The following CWC15 variants were observed in gnomAD, a reference collection of about 807,000 sequenced individuals.
The protein encoded by CWC15 is spliceosome-associated protein CWC15 homolog.
A neutral mutation model predicts 28.4 loss-of-function variants in CWC15; 12 were observed. The ratio of observed to expected loss-of-function variants is 0.42; its 90% confidence interval spans 0.27 to 0.69. CWC15 has a LOEUF of 0.69. CWC15 is among the 30% of genes least tolerant of loss of function. The pLI, the probability that CWC15 is intolerant of heterozygous loss-of-function variation, is 0.23. For missense variants in CWC15, 192 were observed against 271.5 expected (o/e 0.71, Z 2.06); for synonymous variants, 92 against 88.4 (o/e 1.04, Z -0.23).
At chr11:94,969,709 C>T (rs372242966) in intron 5 of CWC15, among the ~76,000 whole-genome samples, 1 of 152,240 alleles carries the variant, frequency 6.6e-6, no homozygotes, top group East Asian at 1.9e-4. Context: ...TGTCAATTAA[C>T]AGATATCGAC....
intron 6 of CWC15, 86 bp downstream of exon 6, chr11:94,966,209 G>T: frequency 1.2e-6 from 1 of 807,604 alleles, no homozygotes; most frequent in Non-Finnish European, 1.9e-6. Context: ...ATGCCTGTGT[G>T]TATACACATA....
At chr11:94,964,022 T>C (rs1415079110) in intron 6 of CWC15, among the ~76,000 whole-genome samples, 1 of 151,964 alleles carries the variant, frequency 6.6e-6, no homozygotes, top group Non-Finnish European at 1.5e-5. Flanking sequence ...TGGGGTATAA[T>C]AATTAAGGCT....
intron 2 of CWC15, 38 bp from the exon 3 acceptor site, chr11:94,971,525 A>AACACACACACAC (rs3831469): frequency 1.3e-6 from 1 of 781,028 alleles, no homozygotes; most frequent in Non-Finnish European, 2.1e-6. Flanking sequence ...ATGTTACTTA[A>AACACACACACAC]ACACACACAC....
chr11:94,965,556 T>A (rs1356757819), intron 6 of CWC15, among the ~76,000 whole-genome samples: 1 of 147,064 alleles, frequency 6.8e-6, no homozygotes, highest in Admixed American at 6.6e-5. Flanking sequence ...ATCTAAGAAA[T>A]CTTCTGTCAC....
intron 5 of CWC15, among the ~76,000 whole-genome samples, 164 bp downstream of exon 5, chr11:94,969,825 C>T (rs1857694285): frequency 6.6e-6 from 1 of 152,052 alleles, no homozygotes; most frequent in Non-Finnish European, 1.5e-5. Context: ...ACCAGGATAC[C>T]TAGGATGTCA....
At chr11:94,972,353 G>T (rs587655124) in intron 1 of CWC15, among the ~76,000 whole-genome samples, 160 bp from the exon 2 acceptor site, 1 of 152,234 alleles carries the variant, frequency 6.6e-6, no homozygotes. Context: ...AAATTATGAG[G>T]CTTAGGCTGT....
chr11:94,969,811 C>T (rs1461925703), intron 5 of CWC15, among the ~76,000 whole-genome samples, 178 bp downstream of exon 5: 4 of 152,166 alleles, frequency 2.6e-5, no homozygotes, highest in African/African-American at 9.7e-5. Context: ...GAATTTCTTA[C>T]ATAACCAGGA....
intron 2 of CWC15, among the ~76,000 whole-genome samples, chr11:94,971,758 T>C (rs1435332947): frequency 6.6e-6 from 1 of 152,258 alleles, no homozygotes; most frequent in Non-Finnish European, 1.5e-5. Context: ...ATTAGGATTA[T>C]ATCAACTCAG....
chr11:94,966,018 G>A (rs1857635004), intron 6 of CWC15, among the ~76,000 whole-genome samples: 1 of 152,050 alleles, frequency 6.6e-6, no homozygotes, highest in Non-Finnish European at 1.5e-5. Flanking sequence ...TCTGTCCCTA[G>A]TGCTTACATC....
chr11:94,963,996 AAGG>A (rs1370695603), intron 6 of CWC15, among the ~76,000 whole-genome samples: 1 of 152,112 alleles, frequency 6.6e-6, no homozygotes, highest in Non-Finnish European at 1.5e-5. Flanking sequence ...AGGCCAACAA[AAGG>A]AGAAGGAATC....
At position 94,968,146 on chromosome 11, in the gene CWC15, G is replaced by A. The variant is rs184573984; in HGVS notation, c.442-1733C>T. Among the ~76,000 whole-genome samples the A allele has an allele frequency of 1.2e-3, 184 of 152,238 alleles. 4 individuals are homozygous for A. In the East Asian group the frequency reaches 0.029, roughly 24 times the overall value. On this transcript the variant is annotated intron_variant, in intron 5 of 6. Transcript: ENST00000279839. Reference sequence around the variant, plus strand: ...TAACTGTTTTTGTAAATATTTTATTGAAACATTGCCACACTTGTTCACTTA... The same window carrying A: ...TAACTGTTTTTGTAAATATTTTATTAAAACATTGCCACACTTGTTCACTTA...
intron 6 of CWC15, among the ~76,000 whole-genome samples, chr11:94,964,975 T>C (rs7108621): frequency 0.013 from 1,971 of 152,374 alleles, 53 homozygotes; most frequent in African/African-American, 0.045. Context: ...CTTGGACTAA[T>C]TCCCGAACTG....
intron 6 of CWC15, among the ~76,000 whole-genome samples, chr11:94,964,171 AAAAT>A (rs1300090570): frequency 6.6e-6 from 1 of 152,200 alleles, no homozygotes. Flanking sequence ...TGTGTTATAG[AAAAT>A]AAAGAGCATG....
chr11:94,970,807 C>T (rs1451335902), intron 4 of CWC15, 170 bp downstream of exon 4: 7 of 611,450 alleles, frequency 1.1e-5, no homozygotes, highest in Non-Finnish European at 2.0e-5. Context: ...CAAAATAATA[C>T]TTTTGATTTT....
In CWC15 at chr11:94,966,382, A is replaced by G; in HGVS notation, c.473T>C (p.Ile158Thr). 6.4e-7 allele frequency: 1 copy of G among 1,554,352 alleles called. No individual in the cohort carries two copies. ...EQEQKAEEER[I>T]RMENILSGNP... ...TCCGCTCAGAATGTTTTCCATACGA[A>G]TCCTCTCTTCTTCAGCTTTTTGTTC... The change falls in exon 6 of 7, where the codon ATT (isoleucine) becomes ACT (threonine). Residue 158 changes from isoleucine (I) to threonine (T), a missense_variant. By Grantham distance (89) the Ile-to-Thr change is moderately conservative (BLOSUM62 -1). Transcript: ENST00000279839.
In CWC15 at chr11:94,962,657, A is replaced by G. The variant is rs1255935712; in HGVS notation, c.*728T>C. The G allele has an allele frequency of 6.6e-6, 1 of 152,236 alleles. No individual in the cohort carries two copies. Among genetic ancestry groups the G allele is most frequent in the Admixed American group, 6.5e-5 (1 of 15,276 alleles). 9.4% of individuals were successfully genotyped at this position (152,236 alleles called of 1,614,324 possible). On this transcript the variant is annotated 3_prime_UTR_variant, in exon 7 of 7. Transcript: ENST00000279839. ...AGGTTTTATTTTATATATTGTTTGA[A>G]GCTTTCTCAGGCTTTGCACTAAATG...
intron 6 of CWC15, among the ~76,000 whole-genome samples, chr11:94,966,060 A>G (rs782081499): frequency 3.3e-5 from 5 of 152,046 alleles, no homozygotes; most frequent in South Asian, 2.1e-4. Flanking sequence ...TATTGCAACT[A>G]TCTATTGAAA....
rs1185661516 is a variant in CWC15 at position 94,963,095 on chromosome 11, C to T, written c.*290G>A. The T allele has an allele frequency of 9.3e-6, 2 of 215,000 alleles. No individual in the cohort carries two copies. Among genetic ancestry groups the T allele is most frequent in the Non-Finnish European group, 9.1e-6 (1 of 110,136 alleles). 13.3% of individuals were successfully genotyped at this position (215,000 alleles called of 1,614,324 possible). A position where few individuals can be genotyped will look rare whatever the true frequency, so the allele number is the denominator to read the frequency against. Reference sequence around the variant, plus strand: ...GTATTACTAGCAGCATAAATTCCAACAAAAAGTTGGGCACCCAGATTTGGT... The same window carrying T: ...GTATTACTAGCAGCATAAATTCCAATAAAAAGTTGGGCACCCAGATTTGGT... On this transcript the variant is annotated 3_prime_UTR_variant, in exon 7 of 7. Transcript: ENST00000279839.
Position 94,969,992 on chromosome 11 carries a change from C to T in CWC15, c.438G>A (p.Arg146=). Residue 146 remains arginine, a synonymous_variant, in exon 5 of 7, where the codon AGG becomes AGA. Coordinates refer to ENST00000279839, the MANE Select transcript of CWC15 (RefSeq NM_016403.4). ...ATATTTAATACTTTGGTTTTACCTT[C>T]CTGGCCTGCTCTTCAGCTCTTTCTT... is the stretch of plus-strand genomic sequence containing the variant. The part of the protein sequence containing the change: ...IKKERAEEQA[R]KEQEQKAEEE... The T allele has an allele frequency of 1.3e-6, 2 of 1,544,892 alleles. No homozygotes were observed. The highest frequency in any genetic ancestry group is 1.7e-6 in the Non-Finnish European group (2 of 1,145,014).
Sources: allele counts gnomAD v4.1 joint callset (sites outside exome capture counted in the v4.1 genomes callset), GRCh38; gene constraint gnomAD v4.1.1; transcripts MANE v1.5; gene names NCBI Gene and HGNC (gene_info 2026-07-23, HGNC 2026-07-21).